Variants in PSMB2 observed in about 807,000 individuals in gnomAD.
The protein encoded by PSMB2 is proteasome 20S subunit beta 2.
In PSMB2, 13 loss-of-function variants were observed where a neutral mutation model predicts 25.7. The observed-to-expected ratio is 0.51, with a 90% CI of 0.33 to 0.80. The LOEUF (loss-of-function observed/expected upper bound fraction) is 0.80, where lower values mean the gene tolerates loss of function less well. Among genes scored for constraint, PSMB2 ranks in the 30% least tolerant of loss-of-function variants. The pLI is 0.02. For synonymous variants in PSMB2, 87 were observed against 96.2 expected, an observed-to-expected ratio of 0.90 and a Z score of 0.56; for missense variants, 202 against 259.0, an observed-to-expected ratio of 0.78 and a Z score of 1.51.
At chr1:35,628,200 T>C (rs1405104853) in intron 3 of PSMB2, among the ~76,000 whole-genome samples, 3 of 152,110 alleles carry the variant, frequency 2.0e-5, no homozygotes, top group South Asian at 2.1e-4. Flanking sequence ...CAGGCAGAGG[T>C]AGTCAATATT....
intron 3 of PSMB2, among the ~76,000 whole-genome samples, chr1:35,620,093 G>A (rs1650635908): frequency 6.6e-6 from 1 of 152,128 alleles, no homozygotes; most frequent in Non-Finnish European, 1.5e-5. Flanking sequence ...ATATTAAGTT[G>A]TGCATGCTAA....
intron 2 of PSMB2, among the ~76,000 whole-genome samples, chr1:35,634,263 A>T (rs1291243716): frequency 6.6e-6 from 1 of 152,268 alleles, no homozygotes; most frequent in East Asian, 1.9e-4. Flanking sequence ...CATTAGTATT[A>T]TAATTCATTT....
chr1:35,603,075 T>C lies in PSMB2; in HGVS notation c.*192A>G, dbSNP rs1650052325. The C allele has an allele frequency of 7.4e-7, 1 of 1,353,724 alleles. No homozygotes were observed. The highest frequency in any genetic ancestry group is 3.0e-5 in the East Asian group (1 of 33,818). 83.9% of individuals were successfully genotyped at this position (1,353,724 alleles called of 1,614,324 possible). On this transcript the variant is annotated 3_prime_UTR_variant, in exon 6 of 6. Coordinates refer to ENST00000373237, the MANE Select transcript of PSMB2 (RefSeq NM_002794.5). ...AGAAAAGTCAGACCTGGCAAAAAGA[T>C]CATCTTCCCTCCATATCCTTTCTGA... is the stretch of plus-strand genomic sequence containing the variant.
chr1:35,624,845 G>C (rs1265166394), intron 3 of PSMB2, among the ~76,000 whole-genome samples: 1 of 151,806 alleles, frequency 6.6e-6, no homozygotes, highest in Admixed American at 6.6e-5. Context: ...GGTGGATCAC[G>C]AGGTCAGGAG....
In PSMB2 at chr1:35,609,339, C is replaced by A; in HGVS notation, c.355G>T (p.Asp119Tyr). ...EHEGPALYYM[D>Y]YLAALAKAPF... ...GCCTTGGCCAAGGCTGCCAGGTAGT[C>A]CATGTAATACAGCGCTGGCCCTTCA... The change falls in exon 4 of 6, where the codon GAC becomes TAC. Residue 119 changes from aspartate to tyrosine, a missense_variant. Transcript: ENST00000373237. The A allele has an allele frequency of 1.2e-6, 2 of 1,613,214 alleles. No homozygotes were observed. The highest frequency in any genetic ancestry group is 1.7e-6 in the Non-Finnish European group (2 of 1,179,558).
intron 1 of PSMB2, 51 bp from the exon 2 acceptor site, chr1:35,636,483 G>T: frequency 6.3e-7 from 1 of 1,586,110 alleles, no homozygotes; most frequent in African/African-American, 1.4e-5. Flanking sequence ...GACATTGACC[G>T]TCATTATTTA....
At chr1:35,612,427 A>C (rs1223206770) in intron 3 of PSMB2, among the ~76,000 whole-genome samples, 1 of 152,216 alleles carries the variant, frequency 6.6e-6, no homozygotes, top group African/African-American at 2.4e-5. Context: ...AATTCCTACT[A>C]CATAACTACA....
chr1:35,628,816 ATCAG>A (rs1193545859), intron 3 of PSMB2, among the ~76,000 whole-genome samples: 2 of 151,246 alleles, frequency 1.3e-5, no homozygotes, highest in Admixed American at 1.3e-4. Flanking sequence ...TTGAGAAATT[ATCAG>A]TCAAAGATTA....
At position 35,637,484 on chromosome 1, in the gene PSMB2, C is replaced by CT. The variant is rs140942654; in HGVS notation, c.92-1053_92-1052insA. 4.6e-3 allele frequency among the ~76,000 whole-genome samples: 704 copies of CT among 152,278 alleles called. 7 individuals carry two copies. The highest frequency in any genetic ancestry group is 0.016 in the African/African-American group (671 of 41,554). ...CAGTTATTGCCTAAGGAAGAAAACT[C>CT]CACATTCAGTCTGCAGCTTCAGAAA... is the stretch of plus-strand genomic sequence containing the variant. On this transcript the variant is annotated intron_variant, in intron 1 of 5. Coordinates refer to ENST00000373237, the MANE Select transcript of PSMB2 (RefSeq NM_002794.5).
chr1:35,640,954 G>A (rs1368653003), intron 1 of PSMB2, among the ~76,000 whole-genome samples: 1 of 152,142 alleles, frequency 6.6e-6, no homozygotes, highest in Non-Finnish European at 1.5e-5. Flanking sequence ...ACTTTGGAAG[G>A]CCGAGACGGG....
chr1:35,611,439 C>T (rs879419945), intron 3 of PSMB2, among the ~76,000 whole-genome samples: 58 of 152,106 alleles, frequency 3.8e-4, no homozygotes, highest in Non-Finnish European at 1.3e-4. Flanking sequence ...AACTCCTAGG[C>T]TCAAGTGAAT....
intron 3 of PSMB2, among the ~76,000 whole-genome samples, chr1:35,619,060 T>C (rs139926969): frequency 2.6e-5 from 4 of 152,328 alleles, no homozygotes; most frequent in African/African-American, 9.6e-5. Flanking sequence ...CTAAACAATT[T>C]TTTCCTTTTT....
rs1409460963 is a variant in PSMB2, at chr1:35,641,346, C to T, written c.87G>A (p.Lys29=). 2.5e-6 allele frequency: 4 copies of T among 1,614,010 alleles called. No homozygotes were observed. The highest frequency in any genetic ancestry group is 2.5e-6 in the Non-Finnish European group (3 of 1,180,028). The change falls in exon 1 of 6, where the codon AAG becomes AAA. Residue 29 remains lysine (K), a synonymous_variant. Transcript: ENST00000373237. Reference sequence around the variant, plus strand: ...GCCTCCCCTGCTTCCTCTCACCGTCCTTCATCTGGACAATATTGCTGGCGG... The same window carrying T: ...GCCTCCCCTGCTTCCTCTCACCGTCTTTCATCTGGACAATATTGCTGGCGG... ...RVAASNIVQM[K]DDHDKMFKMS...
chr1:35,623,004 A>T (rs79724938), intron 3 of PSMB2, among the ~76,000 whole-genome samples: 2,154 of 152,326 alleles, frequency 0.014, 49 homozygotes, highest in African/African-American at 0.049. Context: ...GGCAGCTGTC[A>T]GAATGCTTAC....
chr1:35,634,845 T>C (rs1651201657), intron 2 of PSMB2, among the ~76,000 whole-genome samples: 1 of 151,554 alleles, frequency 6.6e-6, no homozygotes, highest in South Asian at 2.1e-4. Context: ...CAGAGTACAG[T>C]GGCACAATCA....
intron 2 of PSMB2, among the ~76,000 whole-genome samples, chr1:35,634,838 AG>A (rs1211478036): frequency 6.6e-6 from 1 of 151,182 alleles, no homozygotes; most frequent in African/African-American, 2.4e-5. Context: ...TGCCTTCCAG[AG>A]TACAGTGGCA....
intron 3 of PSMB2, among the ~76,000 whole-genome samples, chr1:35,624,133 G>C (rs1258908490): frequency 6.6e-6 from 1 of 152,042 alleles, no homozygotes; most frequent in African/African-American, 2.4e-5. Context: ...ACTAAGACCT[G>C]AAATCCTTTC....
intron 4 of PSMB2, 54 bp downstream of exon 4, chr1:35,609,192 G>T: frequency 7.1e-7 from 1 of 1,403,234 alleles, no homozygotes; most frequent in Non-Finnish European, 9.4e-7. Flanking sequence ...AACCTGGGAA[G>T]CAGCTGAGGG....
In PSMB2 at chr1:35,636,290, A is replaced by G; in HGVS notation, c.214+20T>C. 1 of 1,613,702 alleles carries G rather than the reference A, an allele frequency of 6.2e-7. No individual in the cohort carries two copies. Among genetic ancestry groups the G allele is most frequent in the Non-Finnish European group, 8.5e-7 (1 of 1,179,802 alleles). ...CCCTAGTAAACTCATATGCCAACTA[A>G]AACTGTAAGTCTTACCCACCATTTC... On this transcript the variant is annotated intron_variant, in intron 2 of 5. Coordinates refer to ENST00000373237, the MANE Select transcript of PSMB2 (RefSeq NM_002794.5).
Sources: allele counts gnomAD v4.1 joint callset (sites outside exome capture counted in the v4.1 genomes callset), GRCh38; gene constraint gnomAD v4.1.1; transcripts MANE v1.5; gene names NCBI Gene and HGNC (gene_info 2026-07-23, HGNC 2026-07-21).